ZNF425: variants seen among roughly 807,000 people sequenced by gnomAD.
ZNF425 encodes the protein zinc finger protein 425.
Under a neutral mutation model 17.0 loss-of-function variants are expected in ZNF425, and 21 were observed. The observed-to-expected ratio is 1.23, with a 90% CI of 0.88 to 1.78. ZNF425 has a LOEUF of 1.78. ZNF425 is among the 40% of genes most tolerant of loss of function. ZNF425 has a pLI of 0.00. For missense variants in ZNF425, 868 were observed against 967.3 expected, an observed-to-expected ratio of 0.90 and a Z score of 1.36; for synonymous variants, 433 against 384.1, an observed-to-expected ratio of 1.13 and a Z score of -1.49.
chr7:149,122,392 T>C (rs554104316), intron 1 of ZNF425, among the ~76,000 whole-genome samples: 72 of 151,398 alleles, frequency 4.8e-4, no homozygotes, highest in African/African-American at 1.6e-3. Flanking sequence ...GCTGGGATTA[T>C]AGGCAGGAGC....
chr7:149,122,844 T>G (rs2129518653), intron 1 of ZNF425, among the ~76,000 whole-genome samples: 1 of 152,218 alleles, frequency 6.6e-6, no homozygotes, highest in East Asian at 1.9e-4. Context: ...TACAGGCATG[T>G]GCGACCACGC....
chr7:149,123,841 CTTTTTTTT>C (rs11301508), intron 1 of ZNF425, among the ~76,000 whole-genome samples: 4 of 128,176 alleles, frequency 3.1e-5, no homozygotes, highest in African/African-American at 5.7e-5. Context: ...CTTGCTTTTT[CTTTTTTTT>C]TTTTTTTTTC....
In ZNF425 at chr7:149,105,480, TC is replaced by T; in HGVS notation, c.390del (p.Glu132ArgfsTer6). On this transcript the variant is annotated frameshift_variant, in exon 4 of 4. Transcript: ENST00000378061. LOFTEE classifies it low-confidence loss of function (END_TRUNC). ...TGAGCTAATAAAATCTTTCTCTCTT[TC>T]CCTCGTAAGGCAGCACACAAGTCCT... ...QKQDLCAALR[G>X]KERKILLAQT... 1 of 1,524,082 alleles carries T rather than the reference TC, an allele frequency of 6.6e-7. No individual in the cohort carries two copies. Among genetic ancestry groups the T allele is most frequent in the Non-Finnish European group, 8.8e-7 (1 of 1,140,206 alleles). 94.4% of individuals were successfully genotyped at this position (1,524,082 alleles called of 1,614,324 possible). A position where few individuals can be genotyped will look rare whatever the true frequency, so the allele number is the denominator to read the frequency against.
intron 1 of ZNF425, among the ~76,000 whole-genome samples, chr7:149,120,134 C>T (rs1188743769): frequency 2.6e-5 from 4 of 152,140 alleles, no homozygotes; most frequent in African/African-American, 7.2e-5. Flanking sequence ...CAGTGGCTCA[C>T]CCCTGTAATC....
intron 3 of ZNF425, among the ~76,000 whole-genome samples, chr7:149,107,094 G>A (rs1345083665): frequency 7.0e-6 from 1 of 143,336 alleles, no homozygotes; most frequent in Non-Finnish European, 1.5e-5. Context: ...GTGACAAAGT[G>A]AGACTGTCTC....
intron 2 of ZNF425, among the ~76,000 whole-genome samples, chr7:149,114,439 G>C (rs1826225684): frequency 7.0e-6 from 1 of 142,074 alleles, no homozygotes; most frequent in Non-Finnish European, 1.5e-5. Flanking sequence ...GCAGGGCACA[G>C]TCTGGCTGGA....
At chr7:149,110,044 T>C (rs1250656613) in intron 3 of ZNF425, among the ~76,000 whole-genome samples, 1 of 151,556 alleles carries the variant, frequency 6.6e-6, no homozygotes, top group African/African-American at 2.4e-5. Context: ...ACCTGACTAA[T>C]TTTTGTATTT....
rs7783048 is a variant in ZNF425 at position 149,112,372 on chromosome 7, G to A, written c.146-77C>T. 2.6e-3 allele frequency: 3,493 copies of A among 1,334,230 alleles called. 48 individuals are homozygous for A. The African/African-American group carries it at 0.042, about 16-fold the overall frequency. The allele number at this position is 1,334,230 out of a possible 1,614,324, so 82.6% of individuals were successfully genotyped here. On this transcript the variant is annotated intron_variant, in intron 2 of 3. Transcript: ENST00000378061. ...TTTTTGGCCGGGTGTGGTGGCTCAC[G>A]CCTGTAATCCCAGCACTTTGGGAGG...
chr7:149,109,884 T>C (rs951831922), intron 3 of ZNF425, among the ~76,000 whole-genome samples: 1 of 151,102 alleles, frequency 6.6e-6, no homozygotes, highest in Admixed American at 6.6e-5. Flanking sequence ...TTTTTCTTTT[T>C]TTTTTTTTTG....
intron 1 of ZNF425, among the ~76,000 whole-genome samples, chr7:149,119,805 T>C (rs1003461049): frequency 3.9e-5 from 6 of 152,116 alleles, no homozygotes; most frequent in Admixed American, 1.3e-4. Context: ...TGCAAGAATA[T>C]ACTACAAATT....
At position 149,103,042 on chromosome 7, in the gene ZNF425, G is replaced by A. The variant is rs1826002992; in HGVS notation, c.*570C>T. On this transcript the variant is annotated 3_prime_UTR_variant, in exon 4 of 4. Coordinates refer to ENST00000378061, the MANE Select transcript of ZNF425 (RefSeq NM_001001661.3). The stretch of plus-strand genomic sequence containing the variant: ...ATTATTGGATGACACTGAAGAGATC[G>A]TTGGACTAGCAGATCAGTGTGAATG... 1 of 152,414 alleles carries A rather than the reference G, an allele frequency of 6.6e-6. No individual in the cohort carries two copies. The highest frequency in any genetic ancestry group is 2.1e-4 in the South Asian group (1 of 4,834). 9.4% of individuals were successfully genotyped at this position (152,414 alleles called of 1,614,324 possible).
At position 149,106,377 on chromosome 7, in the gene ZNF425, G is replaced by GGGACTATCCACCACCATA. The variant is rs754777028; in HGVS notation, c.305-829_305-812dup. ...TTGTGCCTCAGCCTCCTGAGTAGCT[G>GGGACTATCCACCACCATA]GGACTATCCACCACCATACCCAGCT... is the stretch of plus-strand genomic sequence containing the variant. On this transcript the variant is annotated intron_variant, in intron 3 of 3. Coordinates refer to ENST00000378061, the MANE Select transcript of ZNF425 (RefSeq NM_001001661.3). Among the ~76,000 whole-genome samples, 396 of 152,104 alleles carry GGGACTATCCACCACCATA rather than the reference G, an allele frequency of 2.6e-3. 3 individuals are homozygous for GGGACTATCCACCACCATA. Among genetic ancestry groups the GGGACTATCCACCACCATA allele is most frequent in the Non-Finnish European group, 4.0e-3 (272 of 67,996 alleles).
At chr7:149,108,066 CT>C (rs1826110933) in intron 3 of ZNF425, among the ~76,000 whole-genome samples, 1 of 151,604 alleles carries the variant, frequency 6.6e-6, no homozygotes, top group African/African-American at 2.4e-5. Context: ...GAGATGGGGT[CT>C]TGTTATGTTG....
chr7:149,115,872 A>G (rs1826258834), intron 2 of ZNF425, among the ~76,000 whole-genome samples: 1 of 152,114 alleles, frequency 6.6e-6, no homozygotes, highest in South Asian at 2.1e-4. Context: ...CTTGTGAAAA[A>G]TGTAGATCCC....
In ZNF425 at chr7:149,103,734, G is replaced by A. The variant is rs142180575; in HGVS notation, c.2137C>T (p.Leu713=). The A allele has an allele frequency of 7.3e-5, 118 of 1,614,090 alleles. No homozygotes were observed. The Admixed American group carries it at 1.8e-3, about 24-fold the overall frequency. The change falls in exon 4 of 4, where the codon CTG becomes TTG. Residue 713 remains leucine, a synonymous_variant. Transcript: ENST00000378061. ...GGCCTCTCCCCACTGTGAAGGCACA[G>A]ATGGGCCTTCAGGCTTCTCTTCTGG... ...FLQKRSLKAH[L]CLHSGERPFS...
At chr7:149,118,632 T>C (rs1585489828) in intron 1 of ZNF425, 1 of 416,624 alleles carries the variant, frequency 2.4e-6, no homozygotes, top group Non-Finnish European at 4.6e-6. Context: ...CTGGCCAACA[T>C]GGCAAAACCT....
chr7:149,122,298 A>C (rs62505068), intron 1 of ZNF425, among the ~76,000 whole-genome samples: 8 of 150,744 alleles, frequency 5.3e-5, no homozygotes, highest in African/African-American at 1.5e-4. Flanking sequence ...TTTTTTTTAA[A>C]TAAAGATGGT....
intron 1 of ZNF425, chr7:149,118,768 T>A (rs982790508): frequency 7.5e-6 from 2 of 264,966 alleles, no homozygotes; most frequent in African/African-American, 4.5e-5. Context: ...TGAGTTGAGA[T>A]CCTGCCACTG....
Position 149,107,345 on chromosome 7 carries a change from A to ATTTT in ZNF425, c.305-1783_305-1780dup, listed in dbSNP as rs1056889019. The stretch of plus-strand genomic sequence containing the variant: ...TATTTATTTATTTATTTATTTATTT[A>ATTTT]TTTTTTTTCTGAGACAGAGTCTAGC... On this transcript the variant is annotated intron_variant, in intron 3 of 3. Transcript: ENST00000378061. Among the ~76,000 whole-genome samples, 263 of 126,164 alleles carry ATTTT rather than the reference A, an allele frequency of 2.1e-3. 2 individuals carry two copies. Among genetic ancestry groups the ATTTT allele is most frequent in the African/African-American group, 7.5e-3 (199 of 26,612 alleles). The allele number at this position is 126,164 out of a possible 152,430, so 82.8% of individuals were successfully genotyped here. A position where few individuals can be genotyped will look rare whatever the true frequency, so the allele number is the denominator to read the frequency against.
Sources: allele counts gnomAD v4.1 joint callset (sites outside exome capture counted in the v4.1 genomes callset), GRCh38; gene constraint gnomAD v4.1.1; transcripts MANE v1.5; gene names NCBI Gene and HGNC (gene_info 2026-07-23, HGNC 2026-07-21).